DPYD: variants seen among roughly 807,000 people sequenced by gnomAD.
The protein encoded by DPYD is dihydropyrimidine dehydrogenase [NADP(+)].
A neutral mutation model predicts 116.2 loss-of-function variants in DPYD; 109 were observed. That is an observed-to-expected ratio of 0.94 (90% CI 0.80 to 1.10). The LOEUF (loss-of-function observed/expected upper bound fraction) is 1.10. DPYD is among the 50% of genes least tolerant of loss of function. The probability of loss-of-function intolerance (pLI) is 0.00; values close to 1 mark genes in which losing one functional copy is unlikely to be tolerated. For synonymous variants in DPYD, 440 were observed against 432.0 expected (o/e 1.02, Z -0.23); for missense variants, 1,302 against 1,254.5 (o/e 1.04, Z -0.57).
chr1:97,713,412 T>C (rs1339194888), intron 5 of DPYD, among the ~76,000 whole-genome samples: 1 of 152,144 alleles, frequency 6.6e-6, no homozygotes, highest in African/African-American at 2.4e-5. Context: ...TAGCTTATTT[T>C]TAAGTCCTAG....
chr1:97,264,162 GTTTTTTTTTTTTT>G (rs71071641), intron 18 of DPYD, among the ~76,000 whole-genome samples: 8,690 of 60,346 alleles, frequency 0.14, 363 homozygotes, highest in Middle Eastern at 0.4. Flanking sequence ...GCAAAATTCT[GTTTTTTTTTTTTT>G]TTTTTTTTTT....
At chr1:97,125,071 A>C (rs1281559842) in intron 20 of DPYD, among the ~76,000 whole-genome samples, 1 of 152,152 alleles carries the variant, frequency 6.6e-6, no homozygotes, top group Non-Finnish European at 1.5e-5. Context: ...AAAAGGCTTA[A>C]AGGATTCTTT....
chr1:97,185,079 T>C (rs1008065866), intron 20 of DPYD, among the ~76,000 whole-genome samples: 35 of 152,284 alleles, frequency 2.3e-4, no homozygotes, highest in African/African-American at 8.2e-4. Flanking sequence ...GATTGGATGT[T>C]GGATTTTGTC....
At chr1:97,765,015 T>C (rs1665774064) in intron 3 of DPYD, among the ~76,000 whole-genome samples, 1 of 152,210 alleles carries the variant, frequency 6.6e-6, no homozygotes, top group African/African-American at 2.4e-5. Flanking sequence ...CATTTGAATC[T>C]ACCTATTACT....
chr1:97,456,632 G>C (rs769937934), intron 13 of DPYD, among the ~76,000 whole-genome samples: 5 of 152,070 alleles, frequency 3.3e-5, no homozygotes, highest in Non-Finnish European at 7.4e-5. Context: ...TGTCTGGCAG[G>C]ATAAAATTAA....
chr1:97,724,293 TGGG>T (rs71883710), intron 4 of DPYD, among the ~76,000 whole-genome samples: 13 of 21,800 alleles, frequency 6.0e-4, no homozygotes, highest in African/African-American at 1.7e-3. Context: ...AGGATGTATG[TGGG>T]GGGGGGGGGG....
At chr1:97,445,651 A>G (rs112649684) in intron 14 of DPYD, among the ~76,000 whole-genome samples, 2,181 of 152,194 alleles carry the variant, frequency 0.014, 35 homozygotes, top group African/African-American at 0.049. Context: ...GGTTTTGGCC[A>G]GAAACCTGCT....
At chr1:97,289,823 G>A (rs1285787141) in intron 18 of DPYD, among the ~76,000 whole-genome samples, 1 of 150,766 alleles carries the variant, frequency 6.6e-6, no homozygotes, top group Non-Finnish European at 1.5e-5. Flanking sequence ...ACATAGTGTT[G>A]GAAGTTCTGG....
intron 12 of DPYD, among the ~76,000 whole-genome samples, chr1:97,518,045 A>G (rs2101982418): frequency 6.6e-6 from 1 of 152,298 alleles, no homozygotes; most frequent in African/African-American, 2.4e-5. Context: ...TTTTAAATAA[A>G]TAAGTAATTG....
At chr1:97,149,032 C>T (rs1654833650) in intron 20 of DPYD, among the ~76,000 whole-genome samples, 1 of 152,134 alleles carries the variant, frequency 6.6e-6, no homozygotes, top group South Asian at 2.1e-4. Flanking sequence ...GAATTAATCT[C>T]TATTGTACAT....
chr1:97,737,076 G>A (rs915016293), intron 4 of DPYD, among the ~76,000 whole-genome samples: 5 of 151,892 alleles, frequency 3.3e-5, no homozygotes, highest in South Asian at 2.1e-4. Context: ...TCTACTTTCC[G>A]TTTCTATATA....
intron 19 of DPYD, among the ~76,000 whole-genome samples, chr1:97,222,227 C>A (rs772668478): frequency 6.6e-6 from 1 of 152,006 alleles, no homozygotes; most frequent in Non-Finnish European, 1.5e-5. Context: ...CAAATAGGAA[C>A]GGACAGTAGA....
chr1:97,117,997 T>G (rs1488208601), intron 20 of DPYD, among the ~76,000 whole-genome samples: 1 of 152,224 alleles, frequency 6.6e-6, no homozygotes, highest in Non-Finnish European at 1.5e-5. Flanking sequence ...TTTCACTATT[T>G]AATTCTCTCC....
At chr1:97,824,407 A>G (rs1307869744) in intron 3 of DPYD, among the ~76,000 whole-genome samples, 1 of 152,154 alleles carries the variant, frequency 6.6e-6, no homozygotes, top group African/African-American at 2.4e-5. Flanking sequence ...GCAACACAAA[A>G]ACTTCCCTTT....
intron 20 of DPYD, among the ~76,000 whole-genome samples, chr1:97,166,786 A>G (rs1032405641): frequency 2.0e-5 from 3 of 152,194 alleles, no homozygotes; most frequent in African/African-American, 7.2e-5. Flanking sequence ...GCCAGAAATT[A>G]TATTTTATGT....
At chr1:97,152,405 T>A (rs765623869) in intron 20 of DPYD, among the ~76,000 whole-genome samples, 4 of 151,490 alleles carry the variant, frequency 2.6e-5, no homozygotes, top group Admixed American at 6.6e-5. Context: ...GTTTGAATGA[T>A]GCCTCCACTT....
chr1:97,341,866 G>A (rs2101235585), intron 16 of DPYD, among the ~76,000 whole-genome samples: 1 of 152,282 alleles, frequency 6.6e-6, no homozygotes, highest in Non-Finnish European at 1.5e-5. Flanking sequence ...CATCAGGTTG[G>A]TAGCTTGAAA....
At chr1:97,593,587 A>G (rs1654675814) in intron 9 of DPYD, among the ~76,000 whole-genome samples, 200 bp from the exon 10 acceptor site, 1 of 152,218 alleles carries the variant, frequency 6.6e-6, no homozygotes, top group Non-Finnish European at 1.5e-5. Flanking sequence ...GTAATTTCAT[A>G]GTCAGTATCT....
chr1:97,194,430 C>T (rs142694932), intron 19 of DPYD, among the ~76,000 whole-genome samples: 1 of 152,212 alleles, frequency 6.6e-6, no homozygotes, highest in African/African-American at 2.4e-5. Context: ...GAGGCCTCCC[C>T]CAGAAATGTT....
Sources: allele counts gnomAD v4.1 joint callset (sites outside exome capture counted in the v4.1 genomes callset), GRCh38; gene constraint gnomAD v4.1.1; transcripts MANE v1.5; gene names NCBI Gene and HGNC (gene_info 2026-07-23, HGNC 2026-07-21).